Variants in SORCS1 observed in about 807,000 individuals in gnomAD.
SORCS1 encodes the protein VPS10 domain-containing receptor SorCS1.
SORCS1 carries 60 observed loss-of-function variants against 146.1 expected under a neutral mutation model. The ratio of observed to expected loss-of-function variants is 0.41; its 90% CI spans 0.33 to 0.51. The LOEUF (loss-of-function observed/expected upper bound fraction) is 0.51, where lower values mean the gene tolerates loss of function less well. Ranked by LOEUF, SORCS1 falls within the 20% of genes least tolerant of loss-of-function variation. SORCS1 has a pLI of 0.21. For synonymous variants in SORCS1, 637 were observed against 584.0 expected, an observed-to-expected ratio of 1.09 and a Z score of -1.31; for missense variants, 1,352 against 1,487.6, an observed-to-expected ratio of 0.91 and a Z score of 1.50.
rs1969977948 is a variant in SORCS1, at chr10:107,164,641, G to T, written c.-115C>A. On this transcript the variant is annotated 5_prime_UTR_variant, in exon 1 of 26. Transcript: ENST00000263054. The surrounding 1 kb of genome is among the most constrained non-coding windows in gnomAD (Gnocchi z 6.8). ...AGGACCCCAACTCCATCCAAGTTGC[G>T]CCGCGGTGGGGGCGGGCGGAGGCGG... 3 of 855,728 alleles carry T rather than the reference G, an allele frequency of 3.5e-6. No individual in the cohort carries two copies. The highest frequency in any genetic ancestry group is 3.1e-6 in the Non-Finnish European group (2 of 641,710). 53.0% of individuals were successfully genotyped at this position (855,728 alleles called of 1,614,324 possible).
At chr10:106,754,050 T>A (rs1858458099) in intron 5 of SORCS1, among the ~76,000 whole-genome samples, 1 of 152,254 alleles carries the variant, frequency 6.6e-6, no homozygotes, top group South Asian at 2.1e-4. Flanking sequence ...TGCCTTCGCA[T>A]TATCTTCCCC....
At chr10:107,073,367 A>C (rs1962602912) in intron 1 of SORCS1, among the ~76,000 whole-genome samples, 1 of 152,190 alleles carries the variant, frequency 6.6e-6, no homozygotes, top group South Asian at 2.1e-4. Flanking sequence ...ATATTTATCC[A>C]GCACCTATAA....
intron 16 of SORCS1, among the ~76,000 whole-genome samples, chr10:106,670,836 G>T (rs2135468190): frequency 6.6e-6 from 1 of 151,950 alleles, no homozygotes; most frequent in African/African-American, 2.4e-5. Context: ...TGGGATTACA[G>T]GTGTCCGCCA....
At chr10:106,957,853 A>G (rs889534442) in intron 1 of SORCS1, among the ~76,000 whole-genome samples, 30 of 152,216 alleles carry the variant, frequency 2.0e-4, no homozygotes, top group African/African-American at 6.5e-4. Flanking sequence ...GAATTCAACG[A>G]ACATTTATTA....
intron 19 of SORCS1, among the ~76,000 whole-genome samples, chr10:106,628,436 T>C (rs1848234333): frequency 6.6e-6 from 1 of 152,184 alleles, no homozygotes; most frequent in African/African-American, 2.4e-5. Flanking sequence ...CTGCTTTCAT[T>C]TAAAGGAAAC....
intron 2 of SORCS1, among the ~76,000 whole-genome samples, chr10:106,912,381 C>T (rs1952210227): frequency 6.6e-6 from 1 of 152,080 alleles, no homozygotes; most frequent in African/African-American, 2.4e-5. Flanking sequence ...CGAGATGATC[C>T]TTTTATTTCT....
At chr10:106,651,575 G>T (rs914157708) in intron 18 of SORCS1, among the ~76,000 whole-genome samples, 1 of 152,162 alleles carries the variant, frequency 6.6e-6, no homozygotes, top group Non-Finnish European at 1.5e-5. Flanking sequence ...TTTTAATCCT[G>T]GGTGTCATTG....
chr10:106,816,940 C>T (rs1364287061), intron 3 of SORCS1, among the ~76,000 whole-genome samples: 2 of 152,134 alleles, frequency 1.3e-5, no homozygotes, highest in African/African-American at 4.8e-5. Context: ...ACTGAGTCCT[C>T]TGTGGGAGTC....
intron 1 of SORCS1, among the ~76,000 whole-genome samples, chr10:107,080,935 T>A (rs1002800547): frequency 1.3e-5 from 2 of 152,210 alleles, no homozygotes; most frequent in African/African-American, 4.8e-5. Context: ...GCTAATATAT[T>A]TCTTAAGAGT....
rs1035608325 is a variant in SORCS1, at chr10:106,956,705, A to T, written c.559-125T>A. On this transcript the variant is annotated intron_variant, in intron 1 of 25. Coordinates refer to ENST00000263054, the MANE Select transcript of SORCS1 (RefSeq NM_052918.5). ...TTAACATAATTGAATGAATTGTTAC[A>T]GCATTTGCCACACTGACTGGGGAAA... 4 of 802,752 alleles carry T rather than the reference A, an allele frequency of 5.0e-6. No individual in the cohort carries two copies. The South Asian group carries it at 5.2e-5, about 10-fold the overall frequency. 49.7% of individuals were successfully genotyped at this position (802,752 alleles called of 1,614,324 possible).
chr10:106,606,841 C>T (rs1318908574), intron 23 of SORCS1, among the ~76,000 whole-genome samples: 3 of 152,170 alleles, frequency 2.0e-5, no homozygotes, highest in Admixed American at 2.0e-4. Flanking sequence ...TTCCCTGCTT[C>T]ACTCTACACT....
At chr10:107,023,408 C>A (rs1958242716) in intron 1 of SORCS1, among the ~76,000 whole-genome samples, 1 of 152,138 alleles carries the variant, frequency 6.6e-6, no homozygotes, top group Non-Finnish European at 1.5e-5. Context: ...TGGTTGTATT[C>A]ATTTTAGCAC....
intron 18 of SORCS1, among the ~76,000 whole-genome samples, chr10:106,651,024 C>A (rs1397203881): frequency 1.3e-5 from 2 of 152,092 alleles, no homozygotes; most frequent in Non-Finnish European, 2.9e-5. Context: ...CCTAAATTGG[C>A]CTGTGTTTTT....
chr10:106,884,223 C>A (rs189142040), intron 2 of SORCS1, among the ~76,000 whole-genome samples: 18 of 152,214 alleles, frequency 1.2e-4, no homozygotes, highest in Admixed American at 1.2e-3. Context: ...AAAATTTAAG[C>A]ATTAAATTCC....
intron 3 of SORCS1, among the ~76,000 whole-genome samples, chr10:106,803,346 A>T (rs1256506481): frequency 1.3e-5 from 2 of 152,220 alleles, no homozygotes; most frequent in African/African-American, 4.8e-5. Context: ...ACACACACTT[A>T]TATGGAAAAC....
chr10:106,641,275 C>G (rs531391796), intron 18 of SORCS1, among the ~76,000 whole-genome samples: 1 of 152,162 alleles, frequency 6.6e-6, no homozygotes, highest in East Asian at 1.9e-4. Context: ...TTGAGGGTGA[C>G]CCCATATGCT....
intron 21 of SORCS1, among the ~76,000 whole-genome samples, chr10:106,614,414 G>T (rs1427326869): frequency 1.3e-5 from 2 of 152,160 alleles, no homozygotes; most frequent in Non-Finnish European, 1.5e-5. Context: ...ACTTTATAAG[G>T]TATGTTTTCG....
chr10:106,984,085 G>A (rs77040399), intron 1 of SORCS1, among the ~76,000 whole-genome samples: 33,814 of 152,114 alleles, frequency 0.22, 4,553 homozygotes, highest in Middle Eastern at 0.33. Flanking sequence ...TACACGTTAT[G>A]TATCACAGGA....
At chr10:107,034,291 G>A (rs1024088316) in intron 1 of SORCS1, among the ~76,000 whole-genome samples, 2 of 152,110 alleles carry the variant, frequency 1.3e-5, no homozygotes, top group African/African-American at 4.8e-5. Context: ...AAAGAGCCCA[G>A]AGTCAGGAGC....
Sources: allele counts gnomAD v4.1 joint callset (sites outside exome capture counted in the v4.1 genomes callset), GRCh38; gene constraint gnomAD v4.1.1; non-coding constraint Gnocchi (gnomAD v3.1); transcripts MANE v1.5; gene names NCBI Gene and HGNC (gene_info 2026-07-23, HGNC 2026-07-21).